Variants in CCDC33 observed in about 807,000 individuals in gnomAD.
CCDC33 encodes coiled-coil domain containing 33.
Under a neutral mutation model 91.9 loss-of-function variants are expected in CCDC33, and 94 were observed. The ratio of observed to expected loss-of-function variants is 1.02; its 90% CI spans 0.87 to 1.21. The LOEUF (loss-of-function observed/expected upper bound fraction) is 1.21. Among genes scored for constraint, CCDC33 ranks in the 50% most tolerant of loss-of-function variants. CCDC33 has a pLI of 0.00. For synonymous variants in CCDC33, 396 were observed against 374.5 expected (o/e 1.06, Z -0.66); for missense variants, 940 against 935.5 (o/e 1.00, Z -0.06).
intron 7 of CCDC33, among the ~76,000 whole-genome samples, chr15:74,278,372 C>G (rs563160131): frequency 6.6e-6 from 1 of 152,382 alleles, no homozygotes; most frequent in South Asian, 2.1e-4. Flanking sequence ...ATGACTGATT[C>G]CTGTGGGGGA....
At chr15:74,321,418 C>G (rs2060204654) in intron 11 of CCDC33, among the ~76,000 whole-genome samples, 1 of 151,684 alleles carries the variant, frequency 6.6e-6, no homozygotes, top group Non-Finnish European at 1.5e-5. Flanking sequence ...GCATCCACCA[C>G]CATGCCTGGC....
At chr15:74,330,445 G>A in intron 12 of CCDC33, 91 bp downstream of exon 12, 1 of 1,392,200 alleles carries the variant, frequency 7.2e-7, no homozygotes, top group Non-Finnish European at 9.7e-7. Flanking sequence ...GCTTCTCCCA[G>A]ATGTGCATGC....
chr15:74,236,856 CAGTT>C, intron 1 of CCDC33, 116 bp downstream of exon 1: 1 of 998,996 alleles, frequency 1.0e-6, no homozygotes, highest in Non-Finnish European at 1.5e-6. Flanking sequence ...CCCTGGGTCT[CAGTT>C]TTCACAGCTG....
chr15:74,291,358 C>T lies in CCDC33; in HGVS notation c.1096-4396C>T, dbSNP rs185055844. On this transcript the variant is annotated intron_variant, in intron 10 of 18. Coordinates refer to ENST00000398814, the MANE Select transcript of CCDC33 (RefSeq NM_025055.5). Reference sequence around the variant, plus strand: ...GCTCATTATGGCGCTTGCCAGTGGGCGAGACACCCTTATCAGGGAGAAAAT... The same window carrying T: ...GCTCATTATGGCGCTTGCCAGTGGGTGAGACACCCTTATCAGGGAGAAAAT... 5.3e-5 allele frequency among the ~76,000 whole-genome samples: 8 copies of T among 152,300 alleles called. No homozygotes were observed. In the East Asian group the frequency reaches 7.7e-4, roughly 15 times the overall value.
At chr15:74,236,877 G>A in intron 1 of CCDC33, 137 bp downstream of exon 1, 1 of 810,350 alleles carries the variant, frequency 1.2e-6, no homozygotes. Flanking sequence ...GCTGTGAAAT[G>A]GGGAGTGAGG....
chr15:74,328,359 G>A (rs747774497), intron 11 of CCDC33, among the ~76,000 whole-genome samples: 2 of 152,206 alleles, frequency 1.3e-5, no homozygotes, highest in East Asian at 1.9e-4. Flanking sequence ...GGGGCTTCAC[G>A]CACCAACTCT....
intron 2 of CCDC33, among the ~76,000 whole-genome samples, chr15:74,225,563 C>T (rs2074768201): frequency 6.6e-6 from 1 of 151,974 alleles, no homozygotes; most frequent in African/African-American, 2.4e-5. Flanking sequence ...ATAGATTCAC[C>T]CCGAGACACC....
intron 1 of CCDC33, among the ~76,000 whole-genome samples, chr15:74,242,592 C>G (rs1178977540): frequency 6.6e-6 from 1 of 152,162 alleles, no homozygotes. Flanking sequence ...CCAGGAGTGC[C>G]CCTCTATGGC....
rs1372993533 is a variant in CCDC33, at chr15:74,268,452, T to C, written c.540T>C (p.Ala180=). 2 of 1,562,614 alleles carry C rather than the reference T, an allele frequency of 1.3e-6. No homozygotes were observed. Among genetic ancestry groups the C allele is most frequent in the Non-Finnish European group, 8.7e-7 (1 of 1,150,150 alleles). ...GCTACATCGGCTGCAACCACATGGCTCTGGAGGTACCAGGGCTGGGGCCCT... is the reference window on the plus strand; with the variant it reads ...GCTACATCGGCTGCAACCACATGGCCCTGGAGGTACCAGGGCTGGGGCCCT... ...IPRYIGCNHM[A]LEIFLRGVNE... Residue 180 remains alanine, a synonymous_variant, in exon 5 of 19, where the codon GCT becomes GCC. Coordinates refer to ENST00000398814, the MANE Select transcript of CCDC33 (RefSeq NM_025055.5).
intron 2 of CCDC33, chr15:74,209,578 C>T: frequency 4.1e-6 from 3 of 729,102 alleles, no homozygotes; most frequent in Non-Finnish European, 6.6e-6. Flanking sequence ...CCCCTCGGAG[C>T]TTTCTCTTCT....
At chr15:74,293,587 C>G (rs1000662191) in intron 10 of CCDC33, among the ~76,000 whole-genome samples, 1 of 152,186 alleles carries the variant, frequency 6.6e-6, no homozygotes, top group African/African-American at 2.4e-5. Flanking sequence ...CCCTGGGTGT[C>G]TTCACGTCAG....
At chr15:74,214,297 G>T (rs753795112), upstream of CCDC33, among the ~76,000 whole-genome samples, 1 of 152,090 alleles carries the variant, frequency 6.6e-6, no homozygotes, top group Non-Finnish European at 1.5e-5. Flanking sequence ...GGTCTTTCAC[G>T]CTGGGACTTT....
intron 1 of CCDC33, among the ~76,000 whole-genome samples, chr15:74,241,627 G>A (rs2075351516): frequency 6.6e-6 from 1 of 152,212 alleles, no homozygotes; most frequent in Non-Finnish European, 1.5e-5. Flanking sequence ...GAGAGGGTCT[G>A]GGTCCAATCT....
intron 2 of CCDC33, among the ~76,000 whole-genome samples, chr15:74,253,802 G>A: frequency 6.6e-6 from 1 of 152,152 alleles, no homozygotes; most frequent in Admixed American, 6.5e-5. Flanking sequence ...AGTAGCCCCT[G>A]CCCGTCCTAC....
intron 11 of CCDC33, chr15:74,303,359 G>C (rs953862029): frequency 2.6e-5 from 4 of 152,542 alleles, no homozygotes; most frequent in African/African-American, 9.6e-5. Context: ...GAGGGCCCAG[G>C]CCCCAGGTCC....
chr15:74,204,567 A>G (rs549168066), intron 1 of CCDC33, among the ~76,000 whole-genome samples: 75 of 152,296 alleles, frequency 4.9e-4, no homozygotes, highest in Admixed American at 4.7e-3. Flanking sequence ...ATTGGAGTCC[A>G]GTTCCAGACA....
intron 1 of CCDC33, chr15:74,243,593 C>A (rs1398511755): frequency 4.4e-6 from 2 of 454,714 alleles, no homozygotes; most frequent in Non-Finnish European, 8.8e-6. Context: ...CAGAGGGAGG[C>A]AGGCACTTGA....
Position 74,218,729 on chromosome 15 carries a change from T to C in CCDC33, c.543T>C (p.Cys181=), listed in dbSNP as rs868641872. 3 of 1,289,698 alleles carry C rather than the reference T, an allele frequency of 2.3e-6. No homozygotes were observed. The highest frequency in any genetic ancestry group is 3.0e-6 in the Non-Finnish European group (3 of 988,882). 79.9% of individuals were successfully genotyped at this position (1,289,698 alleles called of 1,614,324 possible). ...GCACGGACCCCACAGCCCGACACTG[T>C]GGGAGCCTGGCCTACAGTGTGGCCT... The change falls in exon 2 of 3, where the codon TGT becomes TGC. Residue 181 remains cysteine (C), a synonymous_variant. Coordinates refer to the CCDC33 transcript ENST00000635913. The surrounding 1 kb of genome is among the most constrained non-coding windows in gnomAD (Gnocchi z 4.8).
chr15:74,215,737 G>T (rs2074424495), upstream of CCDC33, among the ~76,000 whole-genome samples: 1 of 152,054 alleles, frequency 6.6e-6, no homozygotes, highest in South Asian at 2.1e-4. Context: ...GGGCGTGGTG[G>T]CGCATGCCTG....
Sources: gnomAD v4.1 joint callset for allele counts (sites outside exome capture counted in the v4.1 genomes callset) on GRCh38, gnomAD v4.1.1 for gene constraint, Gnocchi (gnomAD v3.1) non-coding constraint, MANE v1.5 for transcripts, NCBI Gene and HGNC (gene_info 2026-07-23, HGNC 2026-07-21) for gene names.